CNTNAP2: variants seen among roughly 807,000 people sequenced by gnomAD.
CNTNAP2 encodes the protein contactin-associated protein-like 2.
In CNTNAP2, 98 loss-of-function variants were observed where a neutral mutation model predicts 155.2. The ratio of observed to expected loss-of-function variants is 0.63; its 90% CI spans 0.54 to 0.75. The LOEUF is 0.75. Ranked by LOEUF, CNTNAP2 falls within the 30% of genes least tolerant of loss-of-function variation. CNTNAP2 has a pLI of 0.00. For synonymous variants in CNTNAP2, 651 were observed against 631.2 expected, an observed-to-expected ratio of 1.03 and a Z score of -0.47; for missense variants, 1,727 against 1,688.1, an observed-to-expected ratio of 1.02 and a Z score of -0.40.
At chr7:148,413,886 T>C (rs930680371) in intron 23 of CNTNAP2, among the ~76,000 whole-genome samples, 6 of 152,146 alleles carry the variant, frequency 3.9e-5, no homozygotes, top group African/African-American at 1.4e-4. Context: ...CAGCTTATGA[T>C]TATTGTTTGC....
chr7:146,851,722 A>G (rs1246049650), intron 3 of CNTNAP2, among the ~76,000 whole-genome samples: 1 of 148,380 alleles, frequency 6.7e-6, no homozygotes, highest in African/African-American at 2.5e-5. Flanking sequence ...TTGCTCTGTC[A>G]CCCAGGCTAG....
chr7:146,964,402 T>G (rs1797615768), intron 3 of CNTNAP2, among the ~76,000 whole-genome samples: 1 of 152,216 alleles, frequency 6.6e-6, no homozygotes, highest in Non-Finnish European at 1.5e-5. Flanking sequence ...TTCCCAGATG[T>G]CTTAATAGAA....
chr7:147,449,114 A>G (rs2116565008), intron 10 of CNTNAP2, among the ~76,000 whole-genome samples: 1 of 152,332 alleles, frequency 6.6e-6, no homozygotes, highest in South Asian at 2.1e-4. Context: ...TAAATCATTT[A>G]CTGTGTAAAA....
At position 146,842,135 on chromosome 7, in the gene CNTNAP2, C is replaced by T. The variant is rs528893557; in HGVS notation, c.402+2231C>T. 4.2e-4 allele frequency among the ~76,000 whole-genome samples: 64 copies of T among 152,206 alleles called. 2 individuals are homozygous for T. Among genetic ancestry groups the T allele is most frequent in the African/African-American group, 1.5e-3 (61 of 41,506 alleles). On this transcript the variant is annotated intron_variant, in intron 3 of 23. Transcript: ENST00000361727. Reference sequence around the variant, plus strand: ...TTCCTGACCTCAGGTGATCTACTTGCCTTGGCCTCTCAAAGTGCTGGGATT... The same window carrying T: ...TTCCTGACCTCAGGTGATCTACTTGTCTTGGCCTCTCAAAGTGCTGGGATT...
intron 8 of CNTNAP2, among the ~76,000 whole-genome samples, chr7:147,168,003 C>CAT (rs971495817): frequency 6.8e-6 from 1 of 147,914 alleles, no homozygotes; most frequent in Non-Finnish European, 1.5e-5. Context: ...AATTTACATG[C>CAT]ATATATATAC....
intron 19 of CNTNAP2, among the ~76,000 whole-genome samples, chr7:148,228,421 G>A (rs570737603): frequency 6.6e-6 from 1 of 152,256 alleles, no homozygotes; most frequent in East Asian, 1.9e-4. Context: ...AAGGGACTCA[G>A]GGGACCAGGG....
At chr7:147,648,451 G>C (rs1292362737) in intron 13 of CNTNAP2, among the ~76,000 whole-genome samples, 1 of 152,112 alleles carries the variant, frequency 6.6e-6, no homozygotes, top group Non-Finnish European at 1.5e-5. Flanking sequence ...CTTACTGAAG[G>C]CTACCATATT....
At chr7:148,414,957 C>CTT in intron 23 of CNTNAP2, 1 of 236,366 alleles carries the variant, frequency 4.2e-6, no homozygotes, top group Non-Finnish European at 8.4e-6. Context: ...TATTAGGGTT[C>CTT]TTTCTATACA....
intron 13 of CNTNAP2, among the ~76,000 whole-genome samples, chr7:147,702,762 A>G (rs1383635307): frequency 1.3e-5 from 2 of 152,118 alleles, no homozygotes; most frequent in Admixed American, 1.3e-4. Flanking sequence ...TGGCCTGTGT[A>G]GCCACAGAGG....
At chr7:146,510,691 C>A (rs1181226195) in intron 1 of CNTNAP2, among the ~76,000 whole-genome samples, 1 of 151,538 alleles carries the variant, frequency 6.6e-6, no homozygotes, top group Non-Finnish European at 1.5e-5. Flanking sequence ...TGTAGAGATC[C>A]TTCACTTTTT....
chr7:148,194,347 G>C (rs1259053361), intron 18 of CNTNAP2, among the ~76,000 whole-genome samples: 1 of 151,960 alleles, frequency 6.6e-6, no homozygotes, highest in Non-Finnish European at 1.5e-5. Context: ...TCTACCCTAT[G>C]TATAAAAGCA....
intron 1 of CNTNAP2, among the ~76,000 whole-genome samples, chr7:146,519,254 A>G (rs1199843221): frequency 3.3e-5 from 5 of 151,832 alleles, no homozygotes; most frequent in Admixed American, 2.0e-4. Context: ...ATCTCTCAAG[A>G]GAACAAGATC....
Position 147,043,933 on chromosome 7 carries a change from C to T in CNTNAP2, c.429C>T (p.Asp143=), listed in dbSNP as rs866657669. The part of the protein sequence containing the change: ...IWAFPGNINS[D]GVVRHELQHP... ...CATTTCCCGGAAACATTAACTCTGACGGTGTGGTCCGGCACGAATTACAGC... is the reference window on the plus strand; with the variant it reads ...CATTTCCCGGAAACATTAACTCTGATGGTGTGGTCCGGCACGAATTACAGC... Residue 143 remains aspartate (D), a synonymous_variant, in exon 4 of 24, where the codon GAC becomes GAT. Transcript: ENST00000361727. 6.2e-6 allele frequency: 10 copies of T among 1,613,990 alleles called. No homozygotes were observed. The highest frequency in any genetic ancestry group is 7.6e-6 in the Non-Finnish European group (9 of 1,179,998).
Position 146,600,269 on chromosome 7 carries a change from C to T in CNTNAP2, c.98-174002C>T, listed in dbSNP as rs574407831. Among the ~76,000 whole-genome samples the T allele has an allele frequency of 7.9e-5, 12 of 152,144 alleles. No individual in the cohort carries two copies. The East Asian group carries it at 1.5e-3, about 20-fold the overall frequency. On this transcript the variant is annotated intron_variant, in intron 1 of 23. Transcript: ENST00000361727. Reference sequence around the variant, plus strand: ...GGCATTTTCTTTTCATTACAACTCACGTACTGCAAATATGTTATCTGCATT... The same window carrying T: ...GGCATTTTCTTTTCATTACAACTCATGTACTGCAAATATGTTATCTGCATT...
intron 1 of CNTNAP2, among the ~76,000 whole-genome samples, chr7:146,376,237 A>G (rs1038752022): frequency 6.6e-6 from 1 of 152,088 alleles, no homozygotes; most frequent in African/African-American, 2.4e-5. Flanking sequence ...TACAATGGGG[A>G]AAAAAATTGT....
chr7:147,274,723 G>A (rs1404954552), intron 8 of CNTNAP2, among the ~76,000 whole-genome samples: 1 of 151,656 alleles, frequency 6.6e-6, no homozygotes, highest in Non-Finnish European at 1.5e-5. Context: ...TTTTCTTTGA[G>A]GTTTTCATCA....
intron 9 of CNTNAP2, among the ~76,000 whole-genome samples, chr7:147,301,847 G>C (rs1390388289): frequency 6.6e-6 from 1 of 152,052 alleles, no homozygotes; most frequent in Non-Finnish European, 1.5e-5. Flanking sequence ...GAGGCCCTAG[G>C]CAATTTACTG....
chr7:146,818,993 C>A (rs575562405), intron 2 of CNTNAP2, among the ~76,000 whole-genome samples: 30 of 151,942 alleles, frequency 2.0e-4, no homozygotes, highest in Non-Finnish European at 3.7e-4. Context: ...TTATTCTATA[C>A]CAATCCTGAA....
chr7:146,854,769 T>C (rs10258914), intron 3 of CNTNAP2, among the ~76,000 whole-genome samples: 5,588 of 152,200 alleles, frequency 0.037, 337 homozygotes, highest in African/African-American at 0.13. Context: ...GAAATGAATG[T>C]ATATGAAACA....
Sources: gnomAD v4.1 joint callset for allele counts (sites outside exome capture counted in the v4.1 genomes callset) on GRCh38, gnomAD v4.1.1 for gene constraint, MANE v1.5 for transcripts, NCBI Gene and HGNC (gene_info 2026-07-23, HGNC 2026-07-21) for gene names.